Variants in ARIH1 observed in about 807,000 individuals in gnomAD.
ARIH1 encodes ariadne RBR E3 ubiquitin protein ligase 1.
In ARIH1, 8 loss-of-function variants were observed where a neutral mutation model predicts 85.0. That is an observed-to-expected ratio of 0.09 (90% confidence interval 0.06 to 0.17). The LOEUF is 0.17. Among genes scored for constraint, ARIH1 ranks in the 10% least tolerant of loss-of-function variants. The pLI, the probability that ARIH1 is intolerant of heterozygous loss-of-function variation, is 1.00. For missense variants in ARIH1, 311 were observed against 718.1 expected (o/e 0.43, Z 6.48); for synonymous variants, 238 against 253.6 (o/e 0.94, Z 0.59).
Position 72,600,796 on chromosome 15 carries a change from G to A in ARIH1, c.*17504G>A, listed in dbSNP as rs2064379938. 2 of 152,138 alleles carry A rather than the reference G, an allele frequency of 1.3e-5. No homozygotes were observed. The highest frequency in any genetic ancestry group is 2.4e-5 in the African/African-American group (1 of 41,412). The allele number at this position is 152,138 out of a possible 1,614,324, so 9.4% of individuals were successfully genotyped here. A position where few individuals can be genotyped will look rare whatever the true frequency, so the allele number is the denominator to read the frequency against. On this transcript the variant is annotated 3_prime_UTR_variant, in exon 14 of 14. Coordinates refer to ENST00000379887, the MANE Select transcript of ARIH1 (RefSeq NM_005744.5). The stretch of plus-strand genomic sequence containing the variant: ...TCCTTTCTTATTGAAAAAGGCCCTG[G>A]TACAGAAAGTGTTCTATCTTCCTCA...
Position 72,587,021 on chromosome 15 carries a change from A to T in ARIH1, c.*3729A>T, listed in dbSNP as rs572874224. ...TCGTTTGTCATTGATACTCTGGCCA[A>T]GTCCAGGTTTTAGGACAATTTAATT... On this transcript the variant is annotated 3_prime_UTR_variant, in exon 14 of 14. Coordinates refer to ENST00000379887, the MANE Select transcript of ARIH1 (RefSeq NM_005744.5). The T allele has an allele frequency of 1.1e-5, 4 of 358,550 alleles. No individual in the cohort carries two copies. The Admixed American group carries it at 1.6e-4, about 15-fold the overall frequency. 22.2% of individuals were successfully genotyped at this position (358,550 alleles called of 1,614,324 possible).
rs1290523475 is a variant in ARIH1 at position 72,599,686 on chromosome 15, CTTTA to C, written c.*16398_*16401del. The C allele has an allele frequency of 6.6e-6, 1 of 152,058 alleles. No individual in the cohort carries two copies. The highest frequency in any genetic ancestry group is 1.5e-5 in the Non-Finnish European group (1 of 68,018). 9.4% of individuals were successfully genotyped at this position (152,058 alleles called of 1,614,324 possible). On this transcript the variant is annotated 3_prime_UTR_variant, in exon 14 of 14. Transcript: ENST00000379887. The stretch of plus-strand genomic sequence containing the variant: ...ATGGAAGCATACTATATTTTCTACA[CTTTA>C]TTTGTTTTATGTAACTATTTTAACA...
intron 3 of ARIH1, among the ~76,000 whole-genome samples, chr15:72,546,700 G>T (rs1316168807): frequency 6.6e-6 from 1 of 150,960 alleles, no homozygotes; most frequent in Non-Finnish European, 1.5e-5. Flanking sequence ...TTGTTTGTTT[G>T]TTTTTTTTGT....
chr15:72,474,786 G>A lies in ARIH1; in HGVS notation c.147G>A (p.Glu49=). The A allele has an allele frequency of 6.6e-7, 1 of 1,514,424 alleles. No individual in the cohort carries two copies. The highest frequency in any genetic ancestry group is 8.9e-7 in the Non-Finnish European group (1 of 1,128,218). The allele number at this position is 1,514,424 out of a possible 1,614,324, so 93.8% of individuals were successfully genotyped here. ...ATCTGGGCGAGGTGGAGCTGGTGGA[G>A]CCCGGGCTGGGCGTCGGCGGGGAGC... The part of the protein sequence containing the change: ...TLDLGEVELV[E]PGLGVGGERD... Residue 49 remains glutamate, a synonymous_variant, in exon 1 of 14, where the codon GAG becomes GAA. Coordinates refer to ENST00000379887, the MANE Select transcript of ARIH1 (RefSeq NM_005744.5).
At chr15:72,486,916 A>G (rs1281698356) in intron 1 of ARIH1, among the ~76,000 whole-genome samples, 1 of 151,762 alleles carries the variant, frequency 6.6e-6, no homozygotes, top group African/African-American at 2.4e-5. Context: ...GCTGGTCTCG[A>G]ACTCCTGTCT....
At chr15:72,500,908 T>G (rs1001436477) in intron 1 of ARIH1, among the ~76,000 whole-genome samples, 4 of 152,192 alleles carry the variant, frequency 2.6e-5, no homozygotes, top group African/African-American at 9.6e-5. Context: ...TTAAATAAAA[T>G]AACTTAAAAG....
intron 1 of ARIH1, among the ~76,000 whole-genome samples, chr15:72,498,722 C>G (rs371429670): frequency 6.6e-6 from 1 of 151,726 alleles, no homozygotes. Flanking sequence ...TGCCTGTAAT[C>G]CCAGCTACCT....
rs1223629842 is a variant in ARIH1, at chr15:72,589,037, G to T, written c.*5745G>T. ...AGTGTGGTATAGTAGTAAGAATATT[G>T]GTATTTCTCAGCCATAGATTTCCCT... On this transcript the variant is annotated 3_prime_UTR_variant, in exon 14 of 14. Transcript: ENST00000379887. The T allele has an allele frequency of 6.6e-6, 1 of 152,024 alleles. No individual in the cohort carries two copies. Among genetic ancestry groups the T allele is most frequent in the African/African-American group, 2.4e-5 (1 of 41,382 alleles). The allele number at this position is 152,024 out of a possible 1,614,324, so 9.4% of individuals were successfully genotyped here. A position where few individuals can be genotyped will look rare whatever the true frequency, so the allele number is the denominator to read the frequency against.
chr15:72,510,735 T>C (rs1449906155), intron 1 of ARIH1, among the ~76,000 whole-genome samples: 3 of 6,880 alleles, frequency 4.4e-4, no homozygotes, highest in Non-Finnish European at 9.2e-4. Context: ...AGACTCTGAC[T>C]CAAAAAAAAA....
At chr15:72,580,658 T>C (rs2064291926) in intron 11 of ARIH1, 73 bp from the exon 12 acceptor site, 1 of 1,402,222 alleles carries the variant, frequency 7.1e-7, no homozygotes, top group Non-Finnish European at 9.7e-7. Flanking sequence ...ATTATGGTTT[T>C]AATTTGATAA....
At chr15:72,486,917 A>G (rs930823382) in intron 1 of ARIH1, among the ~76,000 whole-genome samples, 2 of 150,344 alleles carry the variant, frequency 1.3e-5, no homozygotes, top group Admixed American at 1.3e-4. Flanking sequence ...CTGGTCTCGA[A>G]CTCCTGTCTT....
intron 2 of ARIH1, among the ~76,000 whole-genome samples, chr15:72,534,536 G>C (rs1341564867): frequency 6.6e-6 from 1 of 152,118 alleles, no homozygotes; most frequent in Non-Finnish European, 1.5e-5. Context: ...CTTTTTTCCT[G>C]GACATGTAGG....
At chr15:72,555,774 T>C (rs2064172205) in intron 4 of ARIH1, 78 bp from the exon 5 acceptor site, 2 of 1,249,676 alleles carry the variant, frequency 1.6e-6, no homozygotes, top group Non-Finnish European at 1.2e-6. Flanking sequence ...TCCCAGAACC[T>C]AGCAAAGTGC....
At chr15:72,477,680 C>A (rs62017903) in intron 1 of ARIH1, among the ~76,000 whole-genome samples, 8,551 of 151,962 alleles carry the variant, frequency 0.056, 338 homozygotes, top group Middle Eastern at 0.082. Flanking sequence ...CTATAATTTC[C>A]CAATTAACAT....
intron 6 of ARIH1, among the ~76,000 whole-genome samples, chr15:72,562,896 TAAA>T (rs36009263): frequency 1.3e-4 from 19 of 141,920 alleles, no homozygotes; most frequent in Admixed American, 2.1e-4. Context: ...CAGTCATCTT[TAAA>T]AAAAAAAAAA....
intron 5 of ARIH1, among the ~76,000 whole-genome samples, chr15:72,558,739 T>C (rs2064185333): frequency 6.6e-6 from 1 of 152,222 alleles, no homozygotes; most frequent in Non-Finnish European, 1.5e-5. Flanking sequence ...TTTACTTCCT[T>C]ATCAATATCA....
intron 9 of ARIH1, 135 bp from the exon 10 acceptor site, chr15:72,570,042 C>G: frequency 2.1e-6 from 2 of 950,996 alleles, no homozygotes; most frequent in East Asian, 5.1e-5. Context: ...CAACACTGTT[C>G]TAAGTGCTTT....
In ARIH1 at chr15:72,592,969, A is replaced by C. The variant is rs760606212; in HGVS notation, c.*9677A>C. The C allele has an allele frequency of 2.6e-5, 4 of 152,270 alleles. No individual in the cohort carries two copies. Among genetic ancestry groups the C allele is most frequent in the Middle Eastern group, 6.8e-3 (2 of 294 alleles). 9.4% of individuals were successfully genotyped at this position (152,270 alleles called of 1,614,324 possible). A position where few individuals can be genotyped will look rare whatever the true frequency, so the allele number is the denominator to read the frequency against. On this transcript the variant is annotated 3_prime_UTR_variant, in exon 14 of 14. Transcript: ENST00000379887. ...AATTACTGGGTCATATGGTAAGTGC[A>C]TGTTTATAAGAAACTGCCCTCTTAT...
At position 72,525,448 on chromosome 15, in the gene ARIH1, G is replaced by A. The variant is rs965491819; in HGVS notation, c.443+7314G>A. 4.6e-5 allele frequency among the ~76,000 whole-genome samples: 7 copies of A among 152,142 alleles called. No individual in the cohort carries two copies. In the East Asian group the frequency reaches 1.2e-3, roughly 25 times the overall value. On this transcript the variant is annotated intron_variant, in intron 2 of 13. Transcript: ENST00000379887. ...CTACAATAAAATTATAGTTAATGTT[G>A]AAGCATCAGAAACATGCCCATTGTA...
Sources: allele counts gnomAD v4.1 joint callset (sites outside exome capture counted in the v4.1 genomes callset), GRCh38; gene constraint gnomAD v4.1.1; transcripts MANE v1.5; gene names NCBI Gene and HGNC (gene_info 2026-07-23, HGNC 2026-07-21).